FLRT2: variants seen among roughly 807,000 people sequenced by gnomAD.
FLRT2 encodes leucine-rich repeat transmembrane protein FLRT2.
A neutral mutation model predicts 40.0 loss-of-function variants in FLRT2; 15 were observed. That is an observed-to-expected ratio of 0.38 (90% CI 0.25 to 0.58). The LOEUF (loss-of-function observed/expected upper bound fraction) is 0.58. FLRT2 is among the 20% of genes least tolerant of loss of function. The probability of loss-of-function intolerance (pLI) is 0.71; values close to 1 mark genes in which losing one functional copy is unlikely to be tolerated. For missense variants in FLRT2, 726 were observed against 840.0 expected, an observed-to-expected ratio of 0.86 and a Z score of 1.68; for synonymous variants, 380 against 336.8, an observed-to-expected ratio of 1.13 and a Z score of -1.41.
At chr14:85,584,242 T>C (rs1566739911) in intron 1 of FLRT2, among the ~76,000 whole-genome samples, 1 of 152,210 alleles carries the variant, frequency 6.6e-6, no homozygotes, top group Non-Finnish European at 1.5e-5. Flanking sequence ...TGCACAGGAC[T>C]AGAAAATGCC....
intron 1 of FLRT2, among the ~76,000 whole-genome samples, chr14:85,547,834 A>G (rs1889370308): frequency 6.6e-6 from 1 of 152,210 alleles, no homozygotes; most frequent in Non-Finnish European, 1.5e-5. Context: ...ATCAGTCAAT[A>G]TGTGTAAGAT....
rs578073920 is a variant in FLRT2, at chr14:85,640,123, C to G, written c.*16626C>G. 6.6e-6 allele frequency: 1 copy of G among 152,284 alleles called. No homozygotes were observed. The highest frequency in any genetic ancestry group is 1.9e-4 in the East Asian group (1 of 5,180). The allele number at this position is 152,284 out of a possible 1,614,324, so 9.4% of individuals were successfully genotyped here. On this transcript the variant is annotated 3_prime_UTR_variant, in exon 2 of 2. Transcript: ENST00000330753. ...TCGGCCTCCCAAAGTGCTGGGATTA[C>G]AGGCGTGAGCCACTGCCCCCCACCC...
At chr14:85,542,304 G>C (rs72691284) in intron 1 of FLRT2, among the ~76,000 whole-genome samples, 22,744 of 152,028 alleles carry the variant, frequency 0.15, 2,084 homozygotes, top group Admixed American at 0.21. Context: ...CATTATAATT[G>C]CATGTATGTA....
In FLRT2 at chr14:85,628,796, A is replaced by G. The variant is rs1893797011; in HGVS notation, c.*5299A>G. 6.6e-6 allele frequency: 1 copy of G among 152,338 alleles called. No homozygotes were observed. The highest frequency in any genetic ancestry group is 6.5e-5 in the Admixed American group (1 of 15,292). The allele number at this position is 152,338 out of a possible 1,614,324, so 9.4% of individuals were successfully genotyped here. On this transcript the variant is annotated 3_prime_UTR_variant, in exon 2 of 2. Coordinates refer to ENST00000330753, the MANE Select transcript of FLRT2 (RefSeq NM_013231.6). ...GGGGATTTTATGTAAAGTAACATCT[A>G]TGCTATTCTTGGGTACTTTTGCCAA...
intron 1 of FLRT2, among the ~76,000 whole-genome samples, chr14:85,596,190 C>T (rs1415539844): frequency 6.6e-6 from 1 of 152,194 alleles, no homozygotes; most frequent in Non-Finnish European, 1.5e-5. Context: ...AAACAGGCGC[C>T]CCTGAACCTT....
Position 85,646,226 on chromosome 14 carries a change from CAGTT to C in FLRT2, c.*22732_*22735del, listed in dbSNP as rs1435853718. 2.0e-5 allele frequency: 3 copies of C among 152,140 alleles called. No individual in the cohort carries two copies. Among genetic ancestry groups the C allele is most frequent in the African/African-American group, 4.8e-5 (2 of 41,430 alleles). 9.4% of individuals were successfully genotyped at this position (152,140 alleles called of 1,614,324 possible). On this transcript the variant is annotated 3_prime_UTR_variant, in exon 2 of 2. Transcript: ENST00000330753. ...ATACTATAATGGACTGTGGAAAAAT[CAGTT>C]AGAGTGTCACTTGGATGAAGCTGTA...
At chr14:85,551,707 C>A (rs934526567) in intron 1 of FLRT2, 1 of 152,212 alleles carries the variant, frequency 6.6e-6, no homozygotes, top group Non-Finnish European at 1.5e-5. Context: ...TTAATGGACC[C>A]GACTGAGATT....
intron 1 of FLRT2, among the ~76,000 whole-genome samples, chr14:85,615,990 C>A (rs1464883910): frequency 1.3e-5 from 2 of 152,128 alleles, no homozygotes; most frequent in African/African-American, 2.4e-5. Context: ...GAGAGAAACA[C>A]TGAGCAGAAA....
At chr14:85,620,590 A>G (rs1260762692) in intron 1 of FLRT2, among the ~76,000 whole-genome samples, 1 of 152,196 alleles carries the variant, frequency 6.6e-6, no homozygotes, top group African/African-American at 2.4e-5. Context: ...TAGTAAATGT[A>G]TTTGGAAATA....
At chr14:85,578,917 A>G (rs1950181) in intron 1 of FLRT2, among the ~76,000 whole-genome samples, 40,328 of 152,086 alleles carry the variant, frequency 0.27, 6,395 homozygotes, top group African/African-American at 0.43. Context: ...GATGTCTTGC[A>G]AACTTGGGAA....
intron 1 of FLRT2, among the ~76,000 whole-genome samples, chr14:85,555,531 A>G (rs1889892642): frequency 6.6e-6 from 1 of 152,054 alleles, no homozygotes; most frequent in African/African-American, 2.4e-5. Context: ...CTACCATGAG[A>G]ACAGTATGGG....
intron 1 of FLRT2, among the ~76,000 whole-genome samples, chr14:85,542,864 A>T (rs945528718): frequency 6.6e-6 from 1 of 152,178 alleles, no homozygotes; most frequent in Non-Finnish European, 1.5e-5. Context: ...GCCAGGCACC[A>T]TGCTAAATTT....
At chr14:85,570,153 C>G (rs1441137893) in intron 1 of FLRT2, among the ~76,000 whole-genome samples, 1 of 152,166 alleles carries the variant, frequency 6.6e-6, no homozygotes, top group Non-Finnish European at 1.5e-5. Flanking sequence ...AAATTGTACC[C>G]TGGGCTCCTT....
At chr14:85,592,426 T>G (rs1891932373) in intron 1 of FLRT2, among the ~76,000 whole-genome samples, 1 of 152,090 alleles carries the variant, frequency 6.6e-6, no homozygotes, top group Admixed American at 6.6e-5. Context: ...GTGGTAAATA[T>G]ACGTCAACTC....
chr14:85,601,713 T>A (rs1015176029), intron 1 of FLRT2, among the ~76,000 whole-genome samples: 3 of 152,156 alleles, frequency 2.0e-5, no homozygotes, highest in African/African-American at 7.2e-5. Context: ...CTTAGAGAGA[T>A]GTGAGGATCA....
At chr14:85,613,989 G>A (rs550268196) in intron 1 of FLRT2, among the ~76,000 whole-genome samples, 20 of 152,232 alleles carry the variant, frequency 1.3e-4, no homozygotes, top group African/African-American at 4.6e-4. Flanking sequence ...AATGCTCCCC[G>A]GCACAGGAGC....
intron 1 of FLRT2, among the ~76,000 whole-genome samples, chr14:85,538,353 T>C (rs1888794829): frequency 6.6e-6 from 1 of 152,174 alleles, no homozygotes; most frequent in Admixed American, 6.5e-5. Flanking sequence ...GGACATACTT[T>C]TTCTGGCAGT....
At chr14:85,566,405 T>A (rs1890616286) in intron 1 of FLRT2, among the ~76,000 whole-genome samples, 1 of 152,192 alleles carries the variant, frequency 6.6e-6, no homozygotes, top group Non-Finnish European at 1.5e-5. Context: ...TGCTTTAGAC[T>A]GAAATCAGGG....
chr14:85,541,551 G>C (rs746198225), intron 1 of FLRT2, among the ~76,000 whole-genome samples: 1 of 152,180 alleles, frequency 6.6e-6, no homozygotes, highest in African/African-American at 2.4e-5. Context: ...AAATGGAGGA[G>C]TAGCTCTTTC....
Sources: gnomAD v4.1 joint callset for allele counts (sites outside exome capture counted in the v4.1 genomes callset) on GRCh38, gnomAD v4.1.1 for gene constraint, MANE v1.5 for transcripts, NCBI Gene and HGNC (gene_info 2026-07-23, HGNC 2026-07-21) for gene names.